The following ASPRV1 variants were observed in gnomAD, a reference collection of about 807,000 sequenced individuals.
The protein encoded by ASPRV1 is retroviral-like aspartic protease 1.
Under a neutral mutation model 11.0 loss-of-function variants are expected in ASPRV1, and 7 were observed. The observed-to-expected ratio is 0.64, with a 90% CI of 0.36 to 1.20. ASPRV1 has a LOEUF of 1.20. ASPRV1 is among the 50% of genes most tolerant of loss of function. ASPRV1 has a pLI of 0.02. For synonymous variants in ASPRV1, 136 were observed against 138.4 expected, an observed-to-expected ratio of 0.98 and a Z score of 0.12; for missense variants, 299 against 320.0, an observed-to-expected ratio of 0.93 and a Z score of 0.50.
upstream of ASPRV1, among the ~76,000 whole-genome samples, chr2:69,965,571 G>A (rs997029241): frequency 2.6e-5 from 4 of 152,060 alleles, no homozygotes; most frequent in Non-Finnish European, 4.4e-5. Context: ...TTGTTCCTGC[G>A]GCCTGACGAC....
the ASPRV1 span, chr2:70,081,353 G>C: frequency 1.1e-4 from 16 of 152,162 alleles, no homozygotes; most frequent in Admixed American, 9.8e-4. Flanking sequence ...AAATTAGCCA[G>C]GCATGGTGGA....
At chr2:70,077,712 G>T in the ASPRV1 span, among the ~76,000 whole-genome samples, 1 of 151,892 alleles carries the variant, frequency 6.6e-6, no homozygotes, top group African/African-American at 2.4e-5. Flanking sequence ...AATATTATCT[G>T]GGCATGGTGG....
the ASPRV1 span, among the ~76,000 whole-genome samples, chr2:70,026,950 A>G: frequency 6.6e-6 from 1 of 152,098 alleles, no homozygotes; most frequent in Non-Finnish European, 1.5e-5. Context: ...ACTTCAAAAC[A>G]TACTACAAAG....
chr2:70,077,025 T>C, the ASPRV1 span, among the ~76,000 whole-genome samples: 2 of 152,206 alleles, frequency 1.3e-5, no homozygotes, highest in African/African-American at 2.4e-5. Flanking sequence ...ACACAGTCAG[T>C]TACCGGCAAA....
the ASPRV1 span, among the ~76,000 whole-genome samples, chr2:69,937,904 A>T: frequency 6.6e-6 from 1 of 152,062 alleles, no homozygotes; most frequent in Non-Finnish European, 1.5e-5. Flanking sequence ...GTGAGCCACC[A>T]CACCCAGCCA....
chr2:70,033,840 G>A, the ASPRV1 span, among the ~76,000 whole-genome samples: 1 of 152,140 alleles, frequency 6.6e-6, no homozygotes, highest in Admixed American at 6.5e-5. Flanking sequence ...GCAGTCTTCT[G>A]ACACTGAGAA....
the ASPRV1 span, chr2:70,054,020 A>G: frequency 6.6e-6 from 1 of 152,290 alleles, no homozygotes; most frequent in South Asian, 2.1e-4. Context: ...AAATCAACAC[A>G]TAGGAAGCAT....
the ASPRV1 span, among the ~76,000 whole-genome samples, chr2:70,078,558 G>A: frequency 0.024 from 3,699 of 152,308 alleles, 144 homozygotes; most frequent in African/African-American, 0.083. Context: ...AGGCCATACT[G>A]ACATCTGGAA....
At chr2:70,039,258 C>A in the ASPRV1 span, among the ~76,000 whole-genome samples, 1 of 152,146 alleles carries the variant, frequency 6.6e-6, no homozygotes, top group African/African-American at 2.4e-5. Context: ...ATAAAGTCTG[C>A]AACGCATATA....
the ASPRV1 span, among the ~76,000 whole-genome samples, chr2:69,986,367 G>A: frequency 6.6e-6 from 1 of 152,238 alleles, no homozygotes; most frequent in African/African-American, 2.4e-5. Flanking sequence ...GAAGGCAGCA[G>A]TGAGCACTCC....
chr2:69,978,001 A>C, the ASPRV1 span, among the ~76,000 whole-genome samples: 1 of 152,096 alleles, frequency 6.6e-6, no homozygotes, highest in Non-Finnish European at 1.5e-5. Context: ...TCCCCTAGAC[A>C]CTAAATTCAA....
chr2:70,052,457 G>A, the ASPRV1 span, among the ~76,000 whole-genome samples: 4 of 152,124 alleles, frequency 2.6e-5, no homozygotes, highest in East Asian at 7.7e-4. Flanking sequence ...AACTGGGAGA[G>A]TAGACCAACA....
the ASPRV1 span, among the ~76,000 whole-genome samples, chr2:69,987,978 G>T: frequency 6.6e-6 from 1 of 152,222 alleles, no homozygotes; most frequent in Non-Finnish European, 1.5e-5. Flanking sequence ...GTCTCCGGGG[G>T]TGCACCCGTG....
chr2:70,043,635 C>T, the ASPRV1 span, among the ~76,000 whole-genome samples: 2 of 152,184 alleles, frequency 1.3e-5, no homozygotes, highest in Admixed American at 6.5e-5. Flanking sequence ...AGAAGTTGTC[C>T]GTGACCACCA....
At chr2:70,055,493 G>A in the ASPRV1 span, 1 of 152,148 alleles carries the variant, frequency 6.6e-6, no homozygotes, top group Non-Finnish European at 1.5e-5. Context: ...GGACATGGAT[G>A]AAGCTGGAAT....
At chr2:70,005,223 C>T in the ASPRV1 span, among the ~76,000 whole-genome samples, 2 of 152,106 alleles carry the variant, frequency 1.3e-5, no homozygotes, top group African/African-American at 4.8e-5. Context: ...CTATACTCTG[C>T]TAATTTTTAA....
the ASPRV1 span, chr2:70,046,203 G>GT: frequency 6.6e-6 from 1 of 152,252 alleles, no homozygotes; most frequent in South Asian, 2.1e-4. Flanking sequence ...TTTGTTTTTT[G>GT]TTTTTTCCCT....
At chr2:70,046,358 T>C in the ASPRV1 span, 1 of 152,184 alleles carries the variant, frequency 6.6e-6, no homozygotes, top group African/African-American at 2.4e-5. Context: ...AAGGCCCAGA[T>C]TAACACAGGT....
chr2:70,031,917 G>A, the ASPRV1 span: 1 of 152,176 alleles, frequency 6.6e-6, no homozygotes, highest in South Asian at 2.1e-4. Context: ...ACATTTTACA[G>A]GCTTGGGAAC....
Sources: gnomAD v4.1 joint callset for allele counts (sites outside exome capture counted in the v4.1 genomes callset) on GRCh38, gnomAD v4.1.1 for gene constraint, MANE v1.5 for transcripts, NCBI Gene and HGNC (gene_info 2026-07-23, HGNC 2026-07-21) for gene names.